Variants in JMY observed in about 807,000 individuals in gnomAD.
JMY encodes the protein junction-mediating and -regulatory protein.
In JMY, 46 loss-of-function variants were observed where a neutral mutation model predicts 103.3. The observed-to-expected ratio is 0.45, with a 90% confidence interval of 0.35 to 0.57. The LOEUF (loss-of-function observed/expected upper bound fraction) is 0.57. JMY is among the 20% of genes least tolerant of loss of function. The pLI is 0.00. For synonymous variants in JMY, 526 were observed against 489.3 expected (o/e 1.07, Z -0.99); for missense variants, 1,238 against 1,255.2 (o/e 0.99, Z 0.21).
rs531156589 is a variant in JMY at position 79,262,024 on chromosome 5, A to G, written c.1033-15886A>G. 4.6e-5 allele frequency among the ~76,000 whole-genome samples: 7 copies of G among 152,334 alleles called. No homozygotes were observed. The South Asian group carries it at 1.4e-3, about 32-fold the overall frequency. On this transcript the variant is annotated intron_variant, in intron 1 of 10. Transcript: ENST00000396137. ...TTGAAGCAGAAATTATCAAAGCTTT[A>G]CTTTCCAGGCCCCTGCTCTTTGTCC...
chr5:79,272,965 T>C (rs1423070467), intron 1 of JMY, among the ~76,000 whole-genome samples: 1 of 152,214 alleles, frequency 6.6e-6, no homozygotes, highest in African/African-American at 2.4e-5. Flanking sequence ...CATATGTGTC[T>C]GTATAGATTC....
chr5:79,311,140 C>G (rs1377729537), intron 7 of JMY, among the ~76,000 whole-genome samples: 2 of 138,882 alleles, frequency 1.4e-5, no homozygotes, highest in African/African-American at 5.7e-5. Flanking sequence ...ATTAGCCTAC[C>G]ACACCTTCTT....
chr5:79,281,170 G>A lies in JMY; in HGVS notation c.1206+3087G>A, dbSNP rs186941564. On this transcript the variant is annotated intron_variant, in intron 2 of 10. Transcript: ENST00000396137. Reference sequence around the variant, plus strand: ...TGCCATTCTCCTGCCTCAGCTTCCCGAGTAGCTGGGACTACAGGCACCTGC... The same window carrying A: ...TGCCATTCTCCTGCCTCAGCTTCCCAAGTAGCTGGGACTACAGGCACCTGC... 5.0e-3 allele frequency among the ~76,000 whole-genome samples: 750 copies of A among 151,206 alleles called. 5 individuals are homozygous for A. The highest frequency in any genetic ancestry group is 0.017 in the African/African-American group (713 of 41,316).
chr5:79,293,390 T>C (rs1408635779), intron 4 of JMY, among the ~76,000 whole-genome samples: 1 of 84,560 alleles, frequency 1.2e-5, no homozygotes, highest in African/African-American at 4.5e-5. Context: ...TTTAACTTTT[T>C]AACTTTTTTT....
chr5:79,257,419 A>T (rs1243255476), intron 1 of JMY, among the ~76,000 whole-genome samples: 1 of 152,160 alleles, frequency 6.6e-6, no homozygotes, highest in Non-Finnish European at 1.5e-5. Flanking sequence ...CGTGGTGAAC[A>T]TGGTGAAACC....
At position 79,314,642 on chromosome 5, in the gene JMY, C is replaced by G; in HGVS notation, c.2450C>G (p.Pro817Arg). 6.9e-7 allele frequency: 1 copy of G among 1,453,260 alleles called. No individual in the cohort carries two copies. Among genetic ancestry groups the G allele is most frequent in the Non-Finnish European group, 9.5e-7 (1 of 1,048,594 alleles). The allele number at this position is 1,453,260 out of a possible 1,614,324, so 90.0% of individuals were successfully genotyped here. A position where few individuals can be genotyped will look rare whatever the true frequency, so the allele number is the denominator to read the frequency against. The change falls in exon 9 of 11, where the codon CCT (proline) becomes CGT (arginine). Residue 817 changes from proline to arginine, a missense_variant. Coordinates refer to ENST00000396137, the MANE Select transcript of JMY (RefSeq NM_152405.5). ...CCAACACCACCACCTCCCCCACCTCCTCCCCCTCCCCCACCACCACCACCT... is the reference window on the plus strand; with the variant it reads ...CCAACACCACCACCTCCCCCACCTCGTCCCCCTCCCCCACCACCACCACCT... ...LPPTPPPPPP[P>R]PPPPPPPPLP...
chr5:79,324,905 G>A lies in JMY; in HGVS notation c.*3303G>A, dbSNP rs2112133021. On this transcript the variant is annotated 3_prime_UTR_variant, in exon 11 of 11. Transcript: ENST00000396137. ...ACTTTGACTTACTCTATGTAATAAG[G>A]AAAAAAATTGTTTCCACAAAGTTGA... 6.6e-6 allele frequency: 1 copy of A among 152,602 alleles called. No homozygotes were observed. 9.5% of individuals were successfully genotyped at this position (152,602 alleles called of 1,614,324 possible).
Position 79,300,737 on chromosome 5 carries a change from G to C in JMY, c.1755G>C (p.Lys585Asn). The change falls in exon 6 of 11, where the codon AAG (lysine) becomes AAC (asparagine). Residue 585 changes from lysine (K) to asparagine (N), a missense_variant. By Grantham distance (94) the Lys-to-Asn change is moderately conservative. Transcript: ENST00000396137. ...TYESMEAMLE[K>N]EEMAASAYLQ... Reference sequence around the variant, plus strand: ...AAAGCATGGAGGCCATGCTGGAGAAGGAAGAGATGGCAGCATCTGCGTACT... The same window carrying C: ...AAAGCATGGAGGCCATGCTGGAGAACGAAGAGATGGCAGCATCTGCGTACT... 1 of 1,612,126 alleles carries C rather than the reference G, an allele frequency of 6.2e-7. No homozygotes were observed. The highest frequency in any genetic ancestry group is 8.5e-7 in the Non-Finnish European group (1 of 1,179,436).
intron 10 of JMY, 50 bp downstream of exon 10, chr5:79,316,360 T>A: frequency 2.1e-6 from 3 of 1,398,626 alleles, no homozygotes; most frequent in Non-Finnish European, 2.9e-6. Flanking sequence ...AGGTTTTATA[T>A]CGGATGATGA....
At chr5:79,248,639 C>T (rs992715626) in intron 1 of JMY, among the ~76,000 whole-genome samples, 2 of 151,866 alleles carry the variant, frequency 1.3e-5, no homozygotes, top group African/African-American at 2.4e-5. Context: ...ATAATTACCT[C>T]ACCTCAGTCC....
intron 1 of JMY, among the ~76,000 whole-genome samples, chr5:79,262,270 T>C (rs1035426485): frequency 6.6e-6 from 1 of 152,212 alleles, no homozygotes; most frequent in African/African-American, 2.4e-5. Context: ...ATCTCAAATA[T>C]CCTTAATCCT....
intron 3 of JMY, 61 bp from the exon 4 acceptor site, chr5:79,291,069 T>G: frequency 8.5e-7 from 1 of 1,179,064 alleles, no homozygotes; most frequent in Admixed American, 2.8e-5. Context: ...GAAATCTTTT[T>G]CAAATGCTTC....
At chr5:79,264,199 C>T (rs577483034) in intron 1 of JMY, among the ~76,000 whole-genome samples, 1 of 152,138 alleles carries the variant, frequency 6.6e-6, no homozygotes, top group African/African-American at 2.4e-5. Context: ...GATTCTTTCA[C>T]CTCAACCTCC....
intron 7 of JMY, 36 bp from the exon 8 acceptor site, chr5:79,312,367 C>T: frequency 4.0e-6 from 5 of 1,236,208 alleles, no homozygotes; most frequent in Non-Finnish European, 5.6e-6. Context: ...AAAATTGGGA[C>T]ACAGCATAAT....
rs759279852 is a variant in JMY at position 79,323,549 on chromosome 5, A to G, written c.*1947A>G. 6 of 152,214 alleles carry G rather than the reference A, an allele frequency of 3.9e-5. No individual in the cohort carries two copies. Among genetic ancestry groups the G allele is most frequent in the Admixed American group, 2.6e-4 (4 of 15,274 alleles). 9.4% of individuals were successfully genotyped at this position (152,214 alleles called of 1,614,324 possible). ...TTTGCAAACCTTTACAAAATCATGTATCAATTTTATGCTATCCAGTTTTTA... is the reference window on the plus strand; with the variant it reads ...TTTGCAAACCTTTACAAAATCATGTGTCAATTTTATGCTATCCAGTTTTTA... On this transcript the variant is annotated 3_prime_UTR_variant, in exon 11 of 11. Coordinates refer to ENST00000396137, the MANE Select transcript of JMY (RefSeq NM_152405.5).
At chr5:79,278,585 C>CAAAAAAAAAA (rs34278536) in intron 2 of JMY, among the ~76,000 whole-genome samples, 8 of 57,290 alleles carry the variant, frequency 1.4e-4, no homozygotes, top group East Asian at 1.5e-3. Context: ...CCCGTCTCTA[C>CAAAAAAAAAA]AAAAAAAAAA....
chr5:79,268,457 G>A (rs2112073745), intron 1 of JMY, among the ~76,000 whole-genome samples: 2 of 152,084 alleles, frequency 1.3e-5, no homozygotes, highest in Admixed American at 1.3e-4. Flanking sequence ...GCTATGTGAT[G>A]TTGAGCATCT....
chr5:79,311,259 T>C lies in JMY; in HGVS notation c.1969-1144T>C, dbSNP rs1747040317. On this transcript the variant is annotated intron_variant, in intron 7 of 10. Coordinates refer to ENST00000396137, the MANE Select transcript of JMY (RefSeq NM_152405.5). ...CCTCAGCCTCCCAAAGTGCAGGGAT[T>C]ATAGGCATGAGCCACCACACTTGGC... Among the ~76,000 whole-genome samples, 4 of 152,022 alleles carry C rather than the reference T, an allele frequency of 2.6e-5. No homozygotes were observed. In the South Asian group the frequency reaches 8.3e-4, roughly 32 times the overall value.
Position 79,258,305 on chromosome 5 carries a change from G to GTTTTTTTTT in JMY, c.1033-19600_1033-19599insTTTTTTTTT, listed in dbSNP as rs199879072. ...AAATTCAGATATTAGGGCTTTTTTT[G>GTTTTTTTTT]TTTTTGTTGTTTTTTTTTTTTTTTT... is the stretch of plus-strand genomic sequence containing the variant. On this transcript the variant is annotated intron_variant, in intron 1 of 10. Transcript: ENST00000396137. Among the ~76,000 whole-genome samples the GTTTTTTTTT allele has an allele frequency of 2.9e-4, 34 of 117,010 alleles. 2 individuals are homozygous for GTTTTTTTTT. The highest frequency in any genetic ancestry group is 6.5e-4 in the African/African-American group (22 of 33,920). The allele number at this position is 117,010 out of a possible 152,430, so 76.8% of individuals were successfully genotyped here.
Sources: gnomAD v4.1 joint callset for allele counts (sites outside exome capture counted in the v4.1 genomes callset) on GRCh38, gnomAD v4.1.1 for gene constraint, MANE v1.5 for transcripts, NCBI Gene and HGNC (gene_info 2026-07-23, HGNC 2026-07-21) for gene names.